The following PRKG1 variants were observed in gnomAD, a reference collection of about 807,000 sequenced individuals.
The protein encoded by PRKG1 is protein kinase cGMP-dependent 1.
A neutral mutation model predicts 88.1 loss-of-function variants in PRKG1; 35 were observed. The observed-to-expected ratio is 0.40, with a 90% CI of 0.30 to 0.53. PRKG1 has a LOEUF of 0.53. PRKG1 is among the 20% of genes least tolerant of loss of function. The pLI, the probability that PRKG1 is intolerant of heterozygous loss-of-function variation, is 0.59. For missense variants in PRKG1, 540 were observed against 839.8 expected (o/e 0.64, Z 4.41); for synonymous variants, 303 against 292.5 (o/e 1.04, Z -0.37).
chr10:52,223,112 C>T (rs1840288530), intron 9 of PRKG1, among the ~76,000 whole-genome samples: 1 of 152,122 alleles, frequency 6.6e-6, no homozygotes, highest in Non-Finnish European at 1.5e-5. Context: ...AACCAACCTA[C>T]CAACCAAACA....
intron 5 of PRKG1, among the ~76,000 whole-genome samples, chr10:52,051,252 G>T (rs1216239900): frequency 1.3e-5 from 2 of 152,128 alleles, no homozygotes; most frequent in Non-Finnish European, 2.9e-5. Context: ...TCAATTTTTG[G>T]TGCTTTTTAT....
chr10:52,004,757 A>G (rs1361631410), intron 5 of PRKG1, among the ~76,000 whole-genome samples: 1 of 152,128 alleles, frequency 6.6e-6, no homozygotes, highest in Non-Finnish European at 1.5e-5. Context: ...AGCATGTTCT[A>G]TTTTTGAAAT....
At chr10:51,354,325 C>G (rs1273235842) in intron 2 of PRKG1, among the ~76,000 whole-genome samples, 1 of 151,976 alleles carries the variant, frequency 6.6e-6, no homozygotes, top group Non-Finnish European at 1.5e-5. Context: ...ATTGCTTGTA[C>G]CCCACAAAGG....
chr10:51,944,176 G>T (rs1239006498), intron 5 of PRKG1, among the ~76,000 whole-genome samples: 1 of 152,028 alleles, frequency 6.6e-6, no homozygotes, highest in South Asian at 2.1e-4. Context: ...TCCTGGTTTA[G>T]TCTTGGGAGG....
intron 3 of PRKG1, among the ~76,000 whole-genome samples, chr10:51,479,509 A>G (rs1449145612): frequency 6.6e-6 from 1 of 151,536 alleles, no homozygotes; most frequent in African/African-American, 2.4e-5. Flanking sequence ...TTTTGTTTTC[A>G]TTTTCCCTTT....
chr10:51,789,142 A>G (rs1366169994), intron 3 of PRKG1, among the ~76,000 whole-genome samples: 1 of 152,212 alleles, frequency 6.6e-6, no homozygotes, highest in Non-Finnish European at 1.5e-5. Context: ...GTATTTAGGG[A>G]TACAGCCTAT....
chr10:51,958,215 C>A (rs934054979), intron 5 of PRKG1, among the ~76,000 whole-genome samples: 1 of 152,102 alleles, frequency 6.6e-6, no homozygotes, highest in Non-Finnish European at 1.5e-5. Context: ...TACTTCCTAC[C>A]TTATTTAATT....
At chr10:51,855,594 C>T (rs975685857) in intron 4 of PRKG1, among the ~76,000 whole-genome samples, 15 of 152,214 alleles carry the variant, frequency 9.9e-5, no homozygotes, top group African/African-American at 3.4e-4. Context: ...CTTCTAAATC[C>T]CAGGCAACAA....
rs181371147 is a variant in PRKG1, at chr10:51,587,770, C to T, written c.592+119934C>T. ...CCAGAAACTTTGGATTTGACCTGGA[C>T]GAGTTTCAAAGTATCTCTGAGCCTC... On this transcript the variant is annotated intron_variant, in intron 3 of 17. Coordinates refer to ENST00000373980, the MANE Select transcript of PRKG1 (RefSeq NM_006258.4). Among the ~76,000 whole-genome samples, 17 of 152,116 alleles carry T rather than the reference C, an allele frequency of 1.1e-4. No homozygotes were observed. The East Asian group carries it at 2.7e-3, about 24-fold the overall frequency.
At chr10:51,190,084 A>G (rs1239691147) in intron 2 of PRKG1, among the ~76,000 whole-genome samples, 1 of 151,958 alleles carries the variant, frequency 6.6e-6, no homozygotes, top group African/African-American at 2.4e-5. Flanking sequence ...ATGTGTGACT[A>G]AACACTTGAG....
At chr10:51,090,185 CA>C (rs1844363638) in intron 1 of PRKG1, among the ~76,000 whole-genome samples, 1 of 152,120 alleles carries the variant, frequency 6.6e-6, no homozygotes, top group African/African-American at 2.4e-5. Flanking sequence ...GTATGGGGCT[CA>C]ATAAACAGTT....
At chr10:52,105,994 C>T (rs541095974) in intron 7 of PRKG1, among the ~76,000 whole-genome samples, 1 of 152,250 alleles carries the variant, frequency 6.6e-6, no homozygotes, top group Admixed American at 6.5e-5. Flanking sequence ...CACTGAGTCC[C>T]CAAAGTTCAT....
intron 12 of PRKG1, among the ~76,000 whole-genome samples, chr10:52,274,497 A>G (rs1841818069): frequency 6.8e-6 from 1 of 146,856 alleles, no homozygotes; most frequent in African/African-American, 2.5e-5. Context: ...ATATATATAC[A>G]TATATATATA....
chr10:51,246,812 A>T (rs1371327596), intron 2 of PRKG1, among the ~76,000 whole-genome samples: 1 of 151,984 alleles, frequency 6.6e-6, no homozygotes, highest in Non-Finnish European at 1.5e-5. Flanking sequence ...GCTCTTGTTC[A>T]CTGCTATTCA....
At chr10:51,756,880 G>C (rs1412210720) in intron 3 of PRKG1, among the ~76,000 whole-genome samples, 1 of 151,626 alleles carries the variant, frequency 6.6e-6, no homozygotes, top group Admixed American at 6.6e-5. Flanking sequence ...TAATTATGTA[G>C]ACATTGCATG....
chr10:51,357,131 A>C (rs569688123), intron 2 of PRKG1, among the ~76,000 whole-genome samples: 2 of 152,130 alleles, frequency 1.3e-5, no homozygotes, highest in African/African-American at 4.8e-5. Flanking sequence ...GGCACTTAGC[A>C]AGAAGTGTAA....
intron 14 of PRKG1, among the ~76,000 whole-genome samples, chr10:52,288,524 T>C (rs540153152): frequency 1.2e-4 from 18 of 152,232 alleles, no homozygotes; most frequent in African/African-American, 4.1e-4. Flanking sequence ...CAGATAAACT[T>C]GACCCATTTC....
intron 1 of PRKG1, among the ~76,000 whole-genome samples, chr10:50,995,841 G>A (rs780638136): frequency 3.3e-5 from 5 of 152,132 alleles, no homozygotes; most frequent in Non-Finnish European, 5.9e-5. Context: ...GTCATGAATC[G>A]CTTGATTCTT....
chr10:51,408,974 T>C (rs1838001488), intron 2 of PRKG1, among the ~76,000 whole-genome samples: 1 of 152,192 alleles, frequency 6.6e-6, no homozygotes, highest in African/African-American at 2.4e-5. Flanking sequence ...TTTCCAATCA[T>C]GCTTCTTCCA....
Sources: gnomAD v4.1 joint callset for allele counts (sites outside exome capture counted in the v4.1 genomes callset) on GRCh38, gnomAD v4.1.1 for gene constraint, MANE v1.5 for transcripts, NCBI Gene and HGNC (gene_info 2026-07-23, HGNC 2026-07-21) for gene names.